The following PCDH15 variants were observed in gnomAD, a reference collection of about 807,000 sequenced individuals.
PCDH15 encodes protocadherin related 15.
A neutral mutation model predicts 178.5 loss-of-function variants in PCDH15; 129 were observed. The observed-to-expected ratio is 0.72, with a 90% CI of 0.63 to 0.84. The LOEUF is 0.84. Ranked by LOEUF, PCDH15 falls within the 40% of genes least tolerant of loss-of-function variation. PCDH15 has a pLI of 0.00. For synonymous variants in PCDH15, 800 were observed against 732.0 expected (o/e 1.09, Z -1.50); for missense variants, 2,230 against 2,099.9 (o/e 1.06, Z -1.21).
At chr10:54,940,501 G>C (rs1342815509) in intron 2 of PCDH15, among the ~76,000 whole-genome samples, 2 of 152,088 alleles carry the variant, frequency 1.3e-5, no homozygotes, top group African/African-American at 2.4e-5. Flanking sequence ...ATATAGTGCT[G>C]TATTGGATAG....
intron 8 of PCDH15, among the ~76,000 whole-genome samples, chr10:54,238,047 T>C (rs2054814274): frequency 1.3e-5 from 2 of 152,136 alleles, no homozygotes; most frequent in African/African-American, 2.4e-5. Flanking sequence ...ATCCCAAATA[T>C]GTAAGTGGTA....
intron 2 of PCDH15, among the ~76,000 whole-genome samples, chr10:55,153,118 G>T (rs1395376940): frequency 6.6e-6 from 1 of 151,992 alleles, no homozygotes; most frequent in Non-Finnish European, 1.5e-5. Flanking sequence ...TTTTCAAGAC[G>T]TATCATTTAA....
intron 21 of PCDH15, among the ~76,000 whole-genome samples, chr10:53,975,004 G>T (rs952443546): frequency 5.3e-5 from 8 of 152,026 alleles, no homozygotes; most frequent in Admixed American, 4.6e-4. Flanking sequence ...CCAATGTTTA[G>T]CTCCCACTTA....
intron 1 of PCDH15, among the ~76,000 whole-genome samples, chr10:55,262,321 G>A (rs1033517053): frequency 4.5e-5 from 6 of 133,802 alleles, no homozygotes; most frequent in African/African-American, 1.4e-4. Context: ...CTTCACACCT[G>A]GGCCTATGCC....
intron 21 of PCDH15, among the ~76,000 whole-genome samples, chr10:53,983,804 C>T (rs1029238242): frequency 4.6e-5 from 7 of 152,084 alleles, no homozygotes; most frequent in Non-Finnish European, 1.0e-4. Flanking sequence ...AGAGATGAAC[C>T]TTATCTGAGC....
At chr10:54,673,533 G>A (rs930399774) in intron 1 of PCDH15, among the ~76,000 whole-genome samples, 6 of 152,020 alleles carry the variant, frequency 3.9e-5, no homozygotes, top group African/African-American at 1.4e-4. Context: ...CCTCCTCCTG[G>A]GTTCAAGCGA....
At chr10:55,477,123 A>G (rs1039754226) in intron 2 of PCDH15, among the ~76,000 whole-genome samples, 3 of 151,970 alleles carry the variant, frequency 2.0e-5, no homozygotes, top group Non-Finnish European at 4.4e-5. Context: ...TAGCTAGTAC[A>G]GATACCCCTA....
chr10:55,017,075 A>G (rs1395138349), intron 2 of PCDH15, among the ~76,000 whole-genome samples: 7 of 152,150 alleles, frequency 4.6e-5, no homozygotes, highest in African/African-American at 1.2e-4. Context: ...AAGAGAAAAA[A>G]GGGAAATAGA....
chr10:53,934,400 T>A (rs573211233), intron 25 of PCDH15, among the ~76,000 whole-genome samples: 1 of 152,054 alleles, frequency 6.6e-6, no homozygotes, highest in East Asian at 1.9e-4. Flanking sequence ...CTACCATACA[T>A]CTTACTCAAG....
rs138028456 is a variant in PCDH15, at chr10:55,567,119, A to C, written c.-156+60506T>G. Among the ~76,000 whole-genome samples, 5 of 152,096 alleles carry C rather than the reference A, an allele frequency of 3.3e-5. No individual in the cohort carries two copies. In the East Asian group the frequency reaches 9.7e-4, roughly 30 times the overall value. ...GTAATAGGAAAGGTTGCCTAGAAGT[A>C]AAGTCTCACATGTATGGTCAAATGA... On this transcript the variant is annotated intron_variant, in intron 2 of 5. Coordinates refer to the PCDH15 transcript ENST00000613346.
chr10:54,331,140 G>C (rs1285110632), intron 6 of PCDH15, among the ~76,000 whole-genome samples: 1 of 141,334 alleles, frequency 7.1e-6, no homozygotes, highest in Admixed American at 7.3e-5. Flanking sequence ...ATTCCTAAGA[G>C]TCACATAAGA....
chr10:53,972,521 A>T (rs1470379272), intron 21 of PCDH15, among the ~76,000 whole-genome samples: 1 of 152,174 alleles, frequency 6.6e-6, no homozygotes, highest in Non-Finnish European at 1.5e-5. Context: ...ATGGGAGAAA[A>T]TTTTTACAGT....
chr10:54,183,584 A>G lies in PCDH15; in HGVS notation c.1450T>C (p.Phe484Leu), dbSNP rs565753445. Residue 484 changes from phenylalanine (F) to leucine (L), a missense_variant, in exon 13 of 38, where the codon TTT (phenylalanine) becomes CTT (leucine). Coordinates refer to ENST00000644397, the MANE Select transcript of PCDH15 (RefSeq NM_001384140.1). ...QQTYTFSITA[F>L]DGVQESEPVI... Reference sequence around the variant, plus strand: ...GGCTCACTTTCTTGTACACCATCAAATGCTGTTATCTTTGGGAGGAGAAAA... The same window carrying G: ...GGCTCACTTTCTTGTACACCATCAAGTGCTGTTATCTTTGGGAGGAGAAAA... 1.2e-6 allele frequency: 2 copies of G among 1,613,944 alleles called. No homozygotes were observed. Among genetic ancestry groups the G allele is most frequent in the South Asian group, 2.2e-5 (2 of 91,084 alleles).
chr10:54,414,122 T>C (rs934714245), intron 3 of PCDH15, among the ~76,000 whole-genome samples: 2 of 152,130 alleles, frequency 1.3e-5, no homozygotes, highest in Admixed American at 6.5e-5. Context: ...AATGATCCTA[T>C]TTATAATAGT....
chr10:54,423,202 C>T (rs964353413), intron 3 of PCDH15, among the ~76,000 whole-genome samples: 10 of 152,062 alleles, frequency 6.6e-5, no homozygotes, highest in Non-Finnish European at 1.3e-4. Flanking sequence ...CTTACCCAAA[C>T]CAGATGCTCC....
Position 54,390,362 on chromosome 10 carries a change from G to A in PCDH15, c.158-11420C>T, listed in dbSNP as rs566278089. On this transcript the variant is annotated intron_variant, in intron 3 of 37. Transcript: ENST00000644397. ...GGCTGGAGTGCAGTGGTGCGATCTCGGCTCCCTGCAACCTCTGCCTCTGGG... is the reference window on the plus strand; with the variant it reads ...GGCTGGAGTGCAGTGGTGCGATCTCAGCTCCCTGCAACCTCTGCCTCTGGG... Among the ~76,000 whole-genome samples the A allele has an allele frequency of 2.7e-3, 409 of 152,080 alleles. 1 individual carries two copies. The highest frequency in any genetic ancestry group is 9.5e-3 in the African/African-American group (393 of 41,464).
chr10:54,879,421 T>C (rs1954219674), intron 3 of PCDH15, among the ~76,000 whole-genome samples: 1 of 152,120 alleles, frequency 6.6e-6, no homozygotes, highest in Non-Finnish European at 1.5e-5. Context: ...AGCTGAAGCT[T>C]ACCCAGTTTA....
intron 1 of PCDH15, among the ~76,000 whole-genome samples, chr10:54,680,291 A>G (rs573870192): frequency 1.3e-3 from 201 of 152,264 alleles, no homozygotes; most frequent in African/African-American, 4.7e-3. Context: ...TTTTTCTAAA[A>G]TGATTTTTTG....
intron 2 of PCDH15, among the ~76,000 whole-genome samples, chr10:55,368,872 G>T (rs187650220): frequency 6.6e-6 from 1 of 152,000 alleles, no homozygotes; most frequent in Admixed American, 6.6e-5. Flanking sequence ...TGCGTAAGAA[G>T]AATATGTGTT....
Sources: gnomAD v4.1 joint callset for allele counts (sites outside exome capture counted in the v4.1 genomes callset) on GRCh38, gnomAD v4.1.1 for gene constraint, MANE v1.5 for transcripts, NCBI Gene and HGNC (gene_info 2026-07-23, HGNC 2026-07-21) for gene names.